The following CCDC134 variants were observed in gnomAD, a reference collection of about 807,000 sequenced individuals.
CCDC134 encodes coiled-coil domain containing 134.
A neutral mutation model predicts 25.6 loss-of-function variants in CCDC134; 27 were observed. The observed-to-expected ratio is 1.05, with a 90% CI of 0.78 to 1.45. CCDC134 has a LOEUF of 1.45. CCDC134 is among the 40% of genes most tolerant of loss of function. The pLI is 0.00. For missense variants in CCDC134, 261 were observed against 286.7 expected (o/e 0.91, Z 0.65); for synonymous variants, 110 against 115.0 (o/e 0.96, Z 0.28).
rs1283011866 is a variant in CCDC134 at position 41,831,973 on chromosome 22, G to A, written c.*6150G>A. The A allele has an allele frequency of 6.6e-6, 1 of 152,158 alleles. No individual in the cohort carries two copies. The highest frequency in any genetic ancestry group is 2.4e-5 in the African/African-American group (1 of 41,424). 9.4% of individuals were successfully genotyped at this position (152,158 alleles called of 1,614,324 possible). A position where few individuals can be genotyped will look rare whatever the true frequency, so the allele number is the denominator to read the frequency against. ...TTAGAGATGACTAAACTGAGGCTTAGAACAATTAACCCAAGGTCACAGTGA... is the reference window on the plus strand; with the variant it reads ...TTAGAGATGACTAAACTGAGGCTTAAAACAATTAACCCAAGGTCACAGTGA... On this transcript the variant is annotated 3_prime_UTR_variant, in exon 7 of 7. Coordinates refer to ENST00000255784, the MANE Select transcript of CCDC134 (RefSeq NM_024821.5).
In CCDC134 at chr22:41,827,406, C is replaced by T. The variant is rs17378709; in HGVS notation, c.*1583C>T. Among the ~76,000 whole-genome samples, 1,973 of 152,282 alleles carry T rather than the reference C, an allele frequency of 0.013. 13 individuals are homozygous for T. The highest frequency in any genetic ancestry group is 0.022 in the Non-Finnish European group (1,473 of 68,030). On this transcript the variant is annotated 3_prime_UTR_variant, in exon 7 of 7. Transcript: ENST00000255784. ...GAGTCTGTGAACTAAAGGGCTGGTC[C>T]ATGGCATTAACAGTGGAGGGTGTCC... is the stretch of plus-strand genomic sequence containing the variant.
intron 2 of CCDC134, among the ~76,000 whole-genome samples, chr22:41,809,473 A>G (rs1016504652): frequency 1.6e-4 from 25 of 152,160 alleles, no homozygotes; most frequent in Admixed American, 1.4e-3. Flanking sequence ...TCAGGGAGAA[A>G]CACTGTGTGA....
At chr22:41,806,176 A>C (rs2076566485) in intron 1 of CCDC134, among the ~76,000 whole-genome samples, 1 of 151,650 alleles carries the variant, frequency 6.6e-6, no homozygotes. Context: ...AAGACTTGGA[A>C]CAACCATGGT....
At chr22:41,802,214 T>C (rs879331026) in intron 1 of CCDC134, among the ~76,000 whole-genome samples, 8 of 152,214 alleles carry the variant, frequency 5.3e-5, no homozygotes, top group Non-Finnish European at 1.2e-4. Context: ...TTGTCAGAGT[T>C]TTTAACACAA....
intron 5 of CCDC134, 139 bp from the exon 6 acceptor site, chr22:41,813,612 T>C (rs2076608355): frequency 8.4e-7 from 1 of 1,193,074 alleles, no homozygotes; most frequent in Admixed American, 2.0e-5. Context: ...GATTCTGTGC[T>C]GACCCAGTTC....
chr22:41,808,852 C>G, intron 1 of CCDC134, 23 bp from the exon 2 acceptor site: 1 of 1,559,096 alleles, frequency 6.4e-7, no homozygotes, highest in Non-Finnish European at 8.8e-7. Flanking sequence ...GTCTCACTCT[C>G]TTTCTTTGGG....
chr22:41,820,845 G>T (rs1319131657), intron 6 of CCDC134, among the ~76,000 whole-genome samples: 1 of 152,166 alleles, frequency 6.6e-6, no homozygotes, highest in Non-Finnish European at 1.5e-5. Flanking sequence ...CTTCAGGGAG[G>T]AAGGAGAAGC....
chr22:41,805,102 A>G (rs2076561877), intron 1 of CCDC134, among the ~76,000 whole-genome samples: 1 of 152,084 alleles, frequency 6.6e-6, no homozygotes, highest in Non-Finnish European at 1.5e-5. Context: ...GCAAAGTCTT[A>G]CTGGACTTTT....
chr22:41,807,007 C>T (rs570024373), intron 1 of CCDC134, among the ~76,000 whole-genome samples: 1 of 152,282 alleles, frequency 6.6e-6, no homozygotes, highest in East Asian at 1.9e-4. Flanking sequence ...GAGATCGTGC[C>T]ATTGCTCTCC....
intron 6 of CCDC134, among the ~76,000 whole-genome samples, chr22:41,820,000 A>ATAAT (rs2076642804): frequency 3.0e-5 from 2 of 67,670 alleles, no homozygotes; most frequent in Non-Finnish European, 5.8e-5. Context: ...TATATATATA[A>ATAAT]TTTTTTTTTT....
intron 6 of CCDC134, among the ~76,000 whole-genome samples, chr22:41,824,540 C>G (rs529892900): frequency 2.6e-5 from 4 of 152,288 alleles, no homozygotes; most frequent in Admixed American, 2.0e-4. Flanking sequence ...GCGGATGGAT[C>G]ACGTGAAGTC....
intron 6 of CCDC134, 97 bp downstream of exon 6, chr22:41,813,919 C>T (rs1166397841): frequency 9.0e-7 from 1 of 1,107,138 alleles, no homozygotes; most frequent in Non-Finnish European, 1.4e-6. Context: ...TGGCTTTGGA[C>T]TTGGAGCCAG....
In CCDC134 at chr22:41,809,881, A is replaced by T; in HGVS notation, c.106A>T (p.Lys36Ter). 1 of 1,614,160 alleles carries T rather than the reference A, an allele frequency of 6.2e-7. No homozygotes were observed. Among genetic ancestry groups the T allele is most frequent in the Non-Finnish European group, 8.5e-7 (1 of 1,180,028 alleles). ...TSLDPSLEIY[K>*]KMFEVKRREQ... ...CCCCTTAACTTAATTCTGCCCAGAC[A>T]AGAAGATGTTTGAGGTGAAGCGGCG... Residue 36 changes from lysine to a stop codon, truncating the protein, a stop_gained and splice_region_variant, in exon 3 of 7, where the codon AAG (lysine) becomes TAG (stop). Coordinates refer to ENST00000255784, the MANE Select transcript of CCDC134 (RefSeq NM_024821.5). LOFTEE classifies it high-confidence loss of function.
At chr22:41,823,418 G>A (rs757910683) in intron 6 of CCDC134, among the ~76,000 whole-genome samples, 4 of 151,846 alleles carry the variant, frequency 2.6e-5, no homozygotes, top group Non-Finnish European at 5.9e-5. Context: ...TAGAGACAAG[G>A]TTTCGCTATG....
chr22:41,811,599 T>C (rs980780387), intron 4 of CCDC134, among the ~76,000 whole-genome samples: 7 of 152,106 alleles, frequency 4.6e-5, no homozygotes, highest in Admixed American at 1.3e-4. Context: ...CGGCTAATTT[T>C]TGTATTTTTA....
rs896988032 is a variant in CCDC134, at chr22:41,830,922, G to A, written c.*5099G>A. On this transcript the variant is annotated 3_prime_UTR_variant, in exon 7 of 7. Transcript: ENST00000255784. Reference sequence around the variant, plus strand: ...TTTTTTTTTTGAGACGCAGTCTCCTGTTGCCCAGGCTGGAGTGCAATGGCG... The same window carrying A: ...TTTTTTTTTTGAGACGCAGTCTCCTATTGCCCAGGCTGGAGTGCAATGGCG... Among the ~76,000 whole-genome samples the A allele has an allele frequency of 5.5e-4, 66 of 119,362 alleles. No homozygotes were observed. Among genetic ancestry groups the A allele is most frequent in the African/African-American group, 2.1e-3 (62 of 29,186 alleles). 78.3% of individuals were successfully genotyped at this position (119,362 alleles called of 152,430 possible). A position where few individuals can be genotyped will look rare whatever the true frequency, so the allele number is the denominator to read the frequency against.
chr22:41,813,608 G>T, intron 5 of CCDC134, 143 bp from the exon 6 acceptor site: 1 of 1,189,398 alleles, frequency 8.4e-7, no homozygotes, highest in Non-Finnish European at 1.2e-6. Flanking sequence ...AAGGGATTCT[G>T]TGCTGACCCA....
intron 4 of CCDC134, among the ~76,000 whole-genome samples, chr22:41,810,520 A>G (rs1333148210): frequency 5.7e-5 from 7 of 123,738 alleles, no homozygotes; most frequent in Admixed American, 2.7e-4. Flanking sequence ...TTTTTGAGAC[A>G]GAGTCTCACT....
At chr22:41,820,225 T>C (rs1382136964) in intron 6 of CCDC134, among the ~76,000 whole-genome samples, 1 of 151,648 alleles carries the variant, frequency 6.6e-6, no homozygotes. Flanking sequence ...CTCGATCTTC[T>C]GACCTCGTGA....
Sources: gnomAD v4.1 joint callset for allele counts (sites outside exome capture counted in the v4.1 genomes callset) on GRCh38, gnomAD v4.1.1 for gene constraint, MANE v1.5 for transcripts, NCBI Gene and HGNC (gene_info 2026-07-23, HGNC 2026-07-21) for gene names.